The following OVCH1 variants were observed in gnomAD, a reference collection of about 807,000 sequenced individuals.
The protein encoded by OVCH1 is ovochymase-1.
OVCH1 carries 139 observed loss-of-function variants against 138.4 expected under a neutral mutation model. That is an observed-to-expected ratio of 1.00 (90% confidence interval 0.87 to 1.16). The LOEUF is 1.16. Among genes scored for constraint, OVCH1 ranks in the 50% most tolerant of loss-of-function variants. The pLI, the probability that OVCH1 is intolerant of heterozygous loss-of-function variation, is 0.00. For synonymous variants in OVCH1, 453 were observed against 467.8 expected (o/e 0.97, Z 0.41); for missense variants, 1,367 against 1,357.9 (o/e 1.01, Z -0.11).
At chr12:29,466,378 G>A (rs1261932615) in intron 16 of OVCH1, among the ~76,000 whole-genome samples, 1 of 151,726 alleles carries the variant, frequency 6.6e-6, no homozygotes, top group African/African-American at 2.4e-5. Flanking sequence ...AAGAAAAAAA[G>A]AATATGTTTA....
intron 19 of OVCH1, among the ~76,000 whole-genome samples, chr12:29,457,950 C>G (rs1942008388): frequency 6.6e-6 from 1 of 152,022 alleles, no homozygotes; most frequent in African/African-American, 2.4e-5. Flanking sequence ...CCTGGAGGAA[C>G]AACATTTTAT....
At chr12:29,448,004 T>C (rs372675202) in intron 22 of OVCH1, among the ~76,000 whole-genome samples, 1 of 151,730 alleles carries the variant, frequency 6.6e-6, no homozygotes, top group East Asian at 1.9e-4. Context: ...AAAATCATAA[T>C]GTGTTAGATT....
chr12:29,425,093 C>G (rs1941160844), downstream of OVCH1, among the ~76,000 whole-genome samples: 1 of 152,054 alleles, frequency 6.6e-6, no homozygotes, highest in South Asian at 2.1e-4. Context: ...AATAAAGTGC[C>G]TGTGATGTCC....
At chr12:29,475,780 G>A (rs979856156) in intron 13 of OVCH1, among the ~76,000 whole-genome samples, 7 of 152,152 alleles carry the variant, frequency 4.6e-5, no homozygotes, top group African/African-American at 9.7e-5. Context: ...GTTAGGTCAC[G>A]ATTAAAAGTA....
Position 29,475,425 on chromosome 12 carries a change from G to A in OVCH1, c.1472-236C>T, listed in dbSNP as rs567310973. Among the ~76,000 whole-genome samples, 14 of 151,910 alleles carry A rather than the reference G, an allele frequency of 9.2e-5. No individual in the cohort carries two copies. The South Asian group carries it at 2.7e-3, about 29-fold the overall frequency. ...AGGACATTTGATTTCCAGTACGCCC[G>A]GAAACTCAACTGGTTATTACTTTGT... On this transcript the variant is annotated intron_variant, in intron 13 of 27. Transcript: ENST00000318184.
exon 15 of OVCH1, chr12:29,473,088 A>G (rs746449531): frequency 6.2e-7 from 1 of 1,607,406 alleles, no homozygotes; most frequent in South Asian, 1.1e-5. Flanking sequence ...CTTTGGTTCA[A>G]ATTTGTTTAA....
chr12:29,439,000 T>G (rs1429017571), intron 26 of OVCH1, among the ~76,000 whole-genome samples: 3 of 152,166 alleles, frequency 2.0e-5, no homozygotes, highest in African/African-American at 7.2e-5. Flanking sequence ...AAATAAAATG[T>G]AGACAGAAGA....
chr12:29,443,584 A>G, intron 24 of OVCH1, 84 bp from the exon 25 acceptor site: 6 of 1,330,340 alleles, frequency 4.5e-6, no homozygotes, highest in Non-Finnish European at 6.1e-6. Context: ...TAATGCATCA[A>G]TGTTATTGAC....
chr12:29,445,265 T>C lies in OVCH1; in HGVS notation c.2881+13A>G. 1 of 1,599,824 alleles carries C rather than the reference T, an allele frequency of 6.3e-7. No individual in the cohort carries two copies. On this transcript the variant is annotated intron_variant, in intron 23 of 27. Transcript: ENST00000318184. The stretch of plus-strand genomic sequence containing the variant: ...CTTTAGCCTTTACAAGTTTATAAAA[T>C]AACCAAACATACCTAGGACTTTCAA...
intron 18 of OVCH1, among the ~76,000 whole-genome samples, chr12:29,463,144 C>T (rs1362398991): frequency 6.6e-6 from 1 of 152,144 alleles, no homozygotes; most frequent in Non-Finnish European, 1.5e-5. Flanking sequence ...GGAGTCAAGA[C>T]AGATCTGCCT....
intron 27 of OVCH1, among the ~76,000 whole-genome samples, chr12:29,428,233 T>C (rs1941211376): frequency 6.6e-6 from 1 of 152,208 alleles, no homozygotes; most frequent in African/African-American, 2.4e-5. Context: ...GTTTTATCCT[T>C]ACTCTAGCCA....
intron 27 of OVCH1, among the ~76,000 whole-genome samples, chr12:29,431,289 C>G (rs941967822): frequency 5.9e-5 from 9 of 151,952 alleles, no homozygotes; most frequent in African/African-American, 2.2e-4. Context: ...AACAAAAGTG[C>G]TAGCCAGGTA....
chr12:29,430,907 T>C (rs376858325), intron 27 of OVCH1: 12 of 518,546 alleles, frequency 2.3e-5, no homozygotes, highest in African/African-American at 1.7e-4. Context: ...CCAGTACCTC[T>C]AGCTGCCCTC....
At chr12:29,451,590 A>G in intron 21 of OVCH1, 21 bp from the exon 22 acceptor site, 1 of 1,571,838 alleles carries the variant, frequency 6.4e-7, no homozygotes, top group Non-Finnish European at 8.7e-7. Context: ...GAACACACAG[A>G]CACCAGGGAC....
Position 29,489,773 on chromosome 12 carries a change from T to C in OVCH1, c.551-2A>G. On this transcript the variant is annotated splice_acceptor_variant, in intron 5 of 27. Coordinates refer to ENST00000318184, the Ensembl canonical transcript of OVCH1. LOFTEE classifies it high-confidence loss of function. The stretch of plus-strand genomic sequence containing the variant: ...GTAGGACATTTGAATATTCTGATGC[T>C]GTAGAGAGAGGACAGATAAGTTAGC... 6.2e-7 allele frequency: 1 copy of C among 1,608,494 alleles called. No individual in the cohort carries two copies. The highest frequency in any genetic ancestry group is 8.5e-7 in the Non-Finnish European group (1 of 1,177,386).
chr12:29,414,440 A>C (rs1941005668), intron 3 of OVCH1, among the ~76,000 whole-genome samples: 1 of 152,198 alleles, frequency 6.6e-6, no homozygotes, highest in Admixed American at 6.5e-5. Context: ...GAACATTTAG[A>C]CTATTTTCTG....
intron 25 of OVCH1, among the ~76,000 whole-genome samples, chr12:29,442,758 C>CA (rs1941521086): frequency 6.6e-6 from 1 of 151,762 alleles, no homozygotes; most frequent in Admixed American, 6.6e-5. Flanking sequence ...GATCCATATA[C>CA]AACTAAGTAA....
chr12:29,423,743 T>C (rs752033419), downstream of OVCH1, among the ~76,000 whole-genome samples: 4 of 152,124 alleles, frequency 2.6e-5, no homozygotes, highest in South Asian at 6.2e-4. Flanking sequence ...AATAAAACAA[T>C]GAAACACTAT....
At chr12:29,433,445 CTG>C (rs1251163642) in intron 27 of OVCH1, among the ~76,000 whole-genome samples, 1 of 152,212 alleles carries the variant, frequency 6.6e-6, no homozygotes, top group African/African-American at 2.4e-5. Flanking sequence ...CTGTGTGGAA[CTG>C]TGAGTCCATT....
Sources: allele counts gnomAD v4.1 joint callset (sites outside exome capture counted in the v4.1 genomes callset), GRCh38; gene constraint gnomAD v4.1.1; transcripts MANE v1.5; gene names NCBI Gene and HGNC (gene_info 2026-07-23, HGNC 2026-07-21).